The following EHMT1 variants were observed in gnomAD, a reference collection of about 807,000 sequenced individuals.
EHMT1 encodes histone-lysine N-methyltransferase EHMT1.
Under a neutral mutation model 147.2 loss-of-function variants are expected in EHMT1, and 15 were observed. That is an observed-to-expected ratio of 0.10 (90% CI 0.07 to 0.16). EHMT1 has a LOEUF of 0.16. Among genes scored for constraint, EHMT1 ranks in the 10% least tolerant of loss-of-function variants. The pLI, the probability that EHMT1 is intolerant of heterozygous loss-of-function variation, is 1.00. For synonymous variants in EHMT1, 795 were observed against 709.6 expected (o/e 1.12, Z -1.91); for missense variants, 1,587 against 1,772.4 (o/e 0.90, Z 1.88).
intron 1 of EHMT1, among the ~76,000 whole-genome samples, chr9:137,700,837 T>C (rs1048596811): frequency 2.6e-5 from 4 of 152,238 alleles, no homozygotes; most frequent in Non-Finnish European, 5.9e-5. Context: ...GCCAGGTTTC[T>C]GGGTGTATTG....
Position 137,731,727 on chromosome 9 carries a change from C to G in EHMT1, c.823+3198C>G, listed in dbSNP as rs1473353066. ...ACTCGGCCCAGCAGGCTGTACTTGG[C>G]TCATGCTACCGGCCCAGATCCCACA... is the stretch of plus-strand genomic sequence containing the variant. On this transcript the variant is annotated intron_variant, in intron 4 of 26. Transcript: ENST00000460843. The surrounding 1 kb of genome is among the most constrained non-coding windows in gnomAD (Gnocchi z 4.3). 6.6e-6 allele frequency among the ~76,000 whole-genome samples: 1 copy of G among 152,166 alleles called. No individual in the cohort carries two copies. Among genetic ancestry groups the G allele is most frequent in the Admixed American group, 6.5e-5 (1 of 15,272 alleles).
intron 4 of EHMT1, chr9:137,742,900 C>A: frequency 4.2e-6 from 1 of 238,212 alleles, no homozygotes. Context: ...CTGGCCTGGC[C>A]CCTGTGCTGG....
chr9:137,723,980 C>T (rs753699262), intron 3 of EHMT1, among the ~76,000 whole-genome samples: 4 of 152,214 alleles, frequency 2.6e-5, no homozygotes, highest in Non-Finnish European at 5.9e-5. Context: ...AAGTGGAAGT[C>T]GCCGGAAGGG....
intron 15 of EHMT1, chr9:137,788,385 G>C: frequency 3.1e-6 from 1 of 321,672 alleles, no homozygotes; most frequent in Non-Finnish European, 5.7e-6. Flanking sequence ...CTCAGCCGGG[G>C]TGACGCTCAC....
chr9:137,827,697 G>A (rs866043121), intron 25 of EHMT1, among the ~76,000 whole-genome samples: 2 of 152,250 alleles, frequency 1.3e-5, no homozygotes, highest in South Asian at 4.1e-4. Flanking sequence ...ACAATTGCTC[G>A]CACTCCCTCA....
chr9:137,798,673 GCCTGGGTTTCCTTGTCATT>G (rs1338464143), intron 16 of EHMT1, 121 bp from the exon 17 acceptor site: 1 of 766,006 alleles, frequency 1.3e-6, no homozygotes. Context: ...CTCGGCCTCA[GCCTGGGTTTCCTTGTCATT>G]TGAGCAGGAC....
intron 1 of EHMT1, among the ~76,000 whole-genome samples, chr9:137,678,736 G>A (rs1378977084): frequency 4.4e-5 from 5 of 113,776 alleles, no homozygotes; most frequent in African/African-American, 1.8e-4. Flanking sequence ...CCCGAAAAAC[G>A]TATTGCACTC....
chr9:137,710,357 C>T (rs1944592854), intron 1 of EHMT1, among the ~76,000 whole-genome samples: 1 of 152,202 alleles, frequency 6.6e-6, no homozygotes, highest in East Asian at 1.9e-4. Context: ...CCTGTAGTCC[C>T]AGCTACTCAG....
rs1488757851 is a variant in EHMT1 at position 137,776,607 on chromosome 9, C to A, written c.1792-11C>A. On this transcript the variant is annotated splice_polypyrimidine_tract_variant and intron_variant, in intron 11 of 26. Transcript: ENST00000460843. This position sits in a 1 kb window ranked among gnomAD's most constrained non-coding sequence, Gnocchi z 4.4. ...TAAAACAAAAATTTTTTTTTGTCCT[C>A]CCATTTTTAGGGTAATTTTATGGAG... 1.9e-6 allele frequency: 3 copies of A among 1,613,362 alleles called. No individual in the cohort carries two copies. The South Asian group carries it at 3.3e-5, about 18-fold the overall frequency.
In EHMT1 at chr9:137,707,655, A is replaced by T. The variant is rs547326698; in HGVS notation, c.22-3312A>T. ...TGGATGATTCTAGACATTATTCGGT[A>T]GTGTGTTACATAGCATTCTTAAACA... On this transcript the variant is annotated intron_variant, in intron 1 of 26. Transcript: ENST00000460843. Among the ~76,000 whole-genome samples the T allele has an allele frequency of 4.5e-4, 68 of 152,368 alleles. 1 individual carries two copies. The highest frequency in any genetic ancestry group is 7.5e-4 in the Non-Finnish European group (51 of 68,038).
chr9:137,623,778 C>T (rs1222584511), intron 1 of EHMT1, among the ~76,000 whole-genome samples: 2 of 152,154 alleles, frequency 1.3e-5, no homozygotes, highest in African/African-American at 4.8e-5. Flanking sequence ...GTTGGAAAGT[C>T]ATTTTGAAGT....
At chr9:137,824,088 CT>C (rs112157311) in intron 25 of EHMT1, among the ~76,000 whole-genome samples, 22,718 of 151,458 alleles carry the variant, frequency 0.15, 5,561 homozygotes, top group African/African-American at 0.51. Context: ...AGATTTTCTC[CT>C]TTTTTTTTAG....
intron 8 of EHMT1, among the ~76,000 whole-genome samples, chr9:137,754,829 T>C (rs2136226654): frequency 6.6e-6 from 1 of 152,310 alleles, no homozygotes; most frequent in African/African-American, 2.4e-5. Flanking sequence ...AACTTCATTG[T>C]TGAATGTTGA....
rs952079309 is a variant in EHMT1, at chr9:137,730,478, T to TG, written c.823+1954dup. The stretch of plus-strand genomic sequence containing the variant: ...AAAAAACTTAAAAAAAAAATAGAGA[T>TG]GGGGGTCTCGCTATGTTGCCCAGGC... On this transcript the variant is annotated intron_variant, in intron 4 of 26. Coordinates refer to ENST00000460843, the MANE Select transcript of EHMT1 (RefSeq NM_024757.5). Among the ~76,000 whole-genome samples the TG allele has an allele frequency of 5.3e-5, 8 of 151,184 alleles. 1 individual carries two copies. The highest frequency in any genetic ancestry group is 2.9e-5 in the Non-Finnish European group (2 of 67,842).
intron 16 of EHMT1, among the ~76,000 whole-genome samples, chr9:137,795,621 T>G (rs1952878368): frequency 6.6e-6 from 1 of 151,658 alleles, no homozygotes; most frequent in Non-Finnish European, 1.5e-5. Context: ...TGGGAGTGGT[T>G]TTTGTTTGTT....
intron 1 of EHMT1, among the ~76,000 whole-genome samples, chr9:137,672,033 T>A (rs1393956558): frequency 3.9e-5 from 6 of 152,232 alleles, no homozygotes; most frequent in Non-Finnish European, 7.3e-5. Flanking sequence ...CCCAGGATTC[T>A]TCCAGGGCTC....
rs1042264503 is a variant in EHMT1, at chr9:137,740,311, G to GC, written c.824-3052dup. ...GAGAGTCTTTGCTCGGGGTCCTGAA[G>GC]CCCCCCCCTCGCCCCCCTTCTTGAT... On this transcript the variant is annotated intron_variant, in intron 4 of 26. Transcript: ENST00000460843. Among the ~76,000 whole-genome samples the GC allele has an allele frequency of 3.2e-4, 49 of 151,868 alleles. No individual in the cohort carries two copies. In the South Asian group the frequency reaches 6.9e-3, roughly 21 times the overall value.
intron 1 of EHMT1, among the ~76,000 whole-genome samples, chr9:137,636,301 AT>A (rs981767950): frequency 9.2e-5 from 14 of 152,090 alleles, no homozygotes; most frequent in African/African-American, 3.1e-4. Context: ...ACTTTGCTGA[AT>A]TTTTTTTGGT....
At chr9:137,681,880 C>T (rs935941368) in intron 1 of EHMT1, among the ~76,000 whole-genome samples, 1 of 152,178 alleles carries the variant, frequency 6.6e-6, no homozygotes, top group Admixed American at 6.5e-5. Context: ...GGTACGTAAG[C>T]GTGAGGCGGG....
Sources: gnomAD v4.1 joint callset for allele counts (sites outside exome capture counted in the v4.1 genomes callset) on GRCh38, gnomAD v4.1.1 for gene constraint, Gnocchi (gnomAD v3.1) non-coding constraint, MANE v1.5 for transcripts, NCBI Gene and HGNC (gene_info 2026-07-23, HGNC 2026-07-21) for gene names.